The following RALGPS2 variants were observed in gnomAD, a reference collection of about 807,000 sequenced individuals.
RALGPS2 encodes the protein Ral GEF with PH domain and SH3 binding motif 2, also known as ras-specific guanine nucleotide-releasing factor RalGPS2.
A neutral mutation model predicts 86.8 loss-of-function variants in RALGPS2; 43 were observed. The ratio of observed to expected loss-of-function variants is 0.50; its 90% confidence interval spans 0.39 to 0.64. The LOEUF is 0.64. Ranked by LOEUF, RALGPS2 falls within the 30% of genes least tolerant of loss-of-function variation. The pLI is 0.00. For synonymous variants in RALGPS2, 243 were observed against 231.3 expected, an observed-to-expected ratio of 1.05 and a Z score of -0.46; for missense variants, 536 against 694.6, an observed-to-expected ratio of 0.77 and a Z score of 2.57.
chr1:178,805,122 G>T (rs200062245), intron 4 of RALGPS2, among the ~76,000 whole-genome samples: 1 of 151,482 alleles, frequency 6.6e-6, no homozygotes, highest in Non-Finnish European at 1.5e-5. Context: ...TTTTGATGGG[G>T]TTGTTTGTTT....
chr1:178,915,831 G>T (rs565209882), intron 19 of RALGPS2, among the ~76,000 whole-genome samples: 9 of 152,048 alleles, frequency 5.9e-5, no homozygotes, highest in Non-Finnish European at 1.2e-4. Flanking sequence ...CTCTAATAAG[G>T]AATTTTGTTT....
At chr1:178,837,867 C>T (rs1656358140) in intron 8 of RALGPS2, among the ~76,000 whole-genome samples, 1 of 152,214 alleles carries the variant, frequency 6.6e-6, no homozygotes, top group Admixed American at 6.5e-5. Context: ...GCAAATGGCA[C>T]ACCAGGAGAT....
chr1:178,732,868 A>G (rs1223311901), intron 1 of RALGPS2, among the ~76,000 whole-genome samples: 2 of 152,064 alleles, frequency 1.3e-5, no homozygotes, highest in East Asian at 1.9e-4. Flanking sequence ...CCATCTTTGC[A>G]TTCCTGAGTT....
In RALGPS2 at chr1:178,865,136, G is replaced by T. The variant is rs144366166; in HGVS notation, c.608-12362G>T. ...ATGTTGTGGCACCACCTGGACAAGT[G>T]GGGGAGACACATGGGTGTCTTGTCG... On this transcript the variant is annotated intron_variant, in intron 8 of 19. Transcript: ENST00000367635. 2.9e-5 allele frequency: 46 copies of T among 1,595,294 alleles called. 1 individual carries two copies. The highest frequency in any genetic ancestry group is 2.9e-4 in the Admixed American group (17 of 59,376).
chr1:178,833,753 T>C (rs1393766912), intron 8 of RALGPS2, among the ~76,000 whole-genome samples: 1 of 152,188 alleles, frequency 6.6e-6, no homozygotes, highest in African/African-American at 2.4e-5. Flanking sequence ...CCTTTTGCCC[T>C]CAAGGTTTTT....
At chr1:178,754,298 G>A (rs1651842969) in intron 1 of RALGPS2, among the ~76,000 whole-genome samples, 1 of 151,660 alleles carries the variant, frequency 6.6e-6, no homozygotes, top group Non-Finnish European at 1.5e-5. Flanking sequence ...TATATTACAA[G>A]GAATTGGCTC....
intron 8 of RALGPS2, among the ~76,000 whole-genome samples, chr1:178,848,133 AC>A (rs1422197702): frequency 6.6e-6 from 1 of 151,970 alleles, no homozygotes; most frequent in Non-Finnish European, 1.5e-5. Flanking sequence ...ACACAGTGAG[AC>A]CCCATCTCTA....
chr1:178,906,101 G>A (rs1480848642), intron 18 of RALGPS2, among the ~76,000 whole-genome samples: 4 of 152,140 alleles, frequency 2.6e-5, no homozygotes, highest in African/African-American at 4.8e-5. Flanking sequence ...GGCCAGGTGT[G>A]GGGGCTCATG....
intron 7 of RALGPS2, among the ~76,000 whole-genome samples, chr1:178,827,861 G>A (rs1655827668): frequency 6.6e-6 from 1 of 152,156 alleles, no homozygotes. Flanking sequence ...CACACAATGG[G>A]GAAATGGTAG....
intron 1 of RALGPS2, among the ~76,000 whole-genome samples, chr1:178,765,436 G>A (rs1224733838): frequency 6.6e-6 from 1 of 152,128 alleles, no homozygotes; most frequent in Non-Finnish European, 1.5e-5. Flanking sequence ...GGGAGGGAGT[G>A]TACGAATAAG....
In RALGPS2 at chr1:178,747,759, G is replaced by A. The variant is rs570235359; in HGVS notation, c.-84+22340G>A. The A allele has an allele frequency of 4.1e-5, 39 of 961,980 alleles. No individual in the cohort carries two copies. In the South Asian group the frequency reaches 4.8e-4, roughly 12 times the overall value. The allele number at this position is 961,980 out of a possible 1,614,324, so 59.6% of individuals were successfully genotyped here. On this transcript the variant is annotated intron_variant, in intron 1 of 19. Transcript: ENST00000367635. ...CCACTTGATGGTGGTGGGCATGGCA[G>A]CAGGAGCGAGCTGGTGCGAGCAGAG...
Position 178,833,504 on chromosome 1 carries a change from A to G in RALGPS2, c.561A>G (p.Arg187=). ...AAGAAGATAACTACAAAAGACTCAG[A>G]GACTATATAAGTAGCTTAAAGATGA... The part of the protein sequence containing the change: ...MSKEDNYKRL[R]DYISSLKMTP... The change falls in exon 8 of 20, where the codon AGA becomes AGG. Residue 187 remains arginine (R), a synonymous_variant. Coordinates refer to ENST00000367635, the MANE Select transcript of RALGPS2 (RefSeq NM_152663.5). 11 of 1,533,216 alleles carry G rather than the reference A, an allele frequency of 7.2e-6. No individual in the cohort carries two copies. The highest frequency in any genetic ancestry group is 1.4e-5 in the African/African-American group (1 of 69,172). The allele number at this position is 1,533,216 out of a possible 1,614,324, so 95.0% of individuals were successfully genotyped here. A position where few individuals can be genotyped will look rare whatever the true frequency, so the allele number is the denominator to read the frequency against.
chr1:178,847,589 A>C (rs536997932), intron 8 of RALGPS2, among the ~76,000 whole-genome samples: 2 of 152,164 alleles, frequency 1.3e-5, no homozygotes, highest in Non-Finnish European at 2.9e-5. Flanking sequence ...AAGACTAAAA[A>C]CTTGTTAGGG....
chr1:178,746,441 A>G (rs1035390936), intron 1 of RALGPS2, among the ~76,000 whole-genome samples: 1 of 152,230 alleles, frequency 6.6e-6, no homozygotes, highest in Non-Finnish European at 1.5e-5. Context: ...TTTCTTGTAC[A>G]TCTTTCTACA....
At chr1:178,898,200 C>T (rs1033001508) in intron 17 of RALGPS2, among the ~76,000 whole-genome samples, 3 of 151,978 alleles carry the variant, frequency 2.0e-5, no homozygotes, top group African/African-American at 4.8e-5. Context: ...CCTCTTTTCA[C>T]CCTGTAGAAT....
At chr1:178,881,998 T>A (rs1248276540) in intron 10 of RALGPS2, among the ~76,000 whole-genome samples, 1 of 152,214 alleles carries the variant, frequency 6.6e-6, no homozygotes, top group Non-Finnish European at 1.5e-5. Flanking sequence ...ACATGTCTTT[T>A]GATCAGGGTG....
chr1:178,864,253 G>A (rs1658226909), intron 8 of RALGPS2, among the ~76,000 whole-genome samples: 1 of 152,034 alleles, frequency 6.6e-6, no homozygotes, highest in Admixed American at 6.6e-5. Flanking sequence ...GTAGAGTTTG[G>A]AATCATGCAT....
chr1:178,748,638 A>T (rs1303517086), intron 1 of RALGPS2, among the ~76,000 whole-genome samples: 1 of 151,758 alleles, frequency 6.6e-6, no homozygotes, highest in African/African-American at 2.4e-5. Flanking sequence ...GGATCACCTG[A>T]GGTCAGGAGT....
At chr1:178,772,442 A>T (rs1381009463) in intron 1 of RALGPS2, among the ~76,000 whole-genome samples, 1 of 152,214 alleles carries the variant, frequency 6.6e-6, no homozygotes, top group Non-Finnish European at 1.5e-5. Flanking sequence ...ATTTTGGGTC[A>T]GGTATCTTAG....
Sources: allele counts gnomAD v4.1 joint callset (sites outside exome capture counted in the v4.1 genomes callset), GRCh38; gene constraint gnomAD v4.1.1; transcripts MANE v1.5; gene names NCBI Gene and HGNC (gene_info 2026-07-23, HGNC 2026-07-21).